The following CHERP variants were observed in gnomAD, a reference collection of about 807,000 sequenced individuals.
The protein encoded by CHERP is ERPROT 213-21.
In CHERP, 8 loss-of-function variants were observed where a neutral mutation model predicts 113.8. The ratio of observed to expected loss-of-function variants is 0.07; its 90% CI spans 0.04 to 0.13. The LOEUF (loss-of-function observed/expected upper bound fraction) is 0.13, where lower values mean the gene tolerates loss of function less well. CHERP is among the 10% of genes least tolerant of loss of function. The pLI is 1.00. For missense variants in CHERP, 884 were observed against 1,298.2 expected, an observed-to-expected ratio of 0.68 and a Z score of 4.90; for synonymous variants, 559 against 524.5, an observed-to-expected ratio of 1.07 and a Z score of -0.90.
chr19:16,535,667 AG>A lies in CHERP; in HGVS notation c.200-32del. 3 of 1,472,932 alleles carry A rather than the reference AG, an allele frequency of 2.0e-6. No homozygotes were observed. The South Asian group carries it at 4.1e-5, about 20-fold the overall frequency. 91.2% of individuals were successfully genotyped at this position (1,472,932 alleles called of 1,614,324 possible). On this transcript the variant is annotated intron_variant, in intron 2 of 16. Coordinates refer to ENST00000546361, the MANE Select transcript of CHERP (RefSeq NM_006387.6). This position sits in a 1 kb window ranked among gnomAD's most constrained non-coding sequence, Gnocchi z 4.3. ...GGGAGAGGAGGAGGGGTGCCCCATG[AG>A]AATGCAGATGGGGGTCTAGGTGTCC... is the stretch of plus-strand genomic sequence containing the variant.
chr19:16,538,013 T>A (rs1253757049), intron 2 of CHERP, among the ~76,000 whole-genome samples: 2 of 152,218 alleles, frequency 1.3e-5, no homozygotes, highest in Non-Finnish European at 2.9e-5. Flanking sequence ...TCTACAACAG[T>A]TGAGGCCCAG....
At chr19:16,541,746 G>C (rs1171791189) in intron 2 of CHERP, 124 bp downstream of exon 2, 4 of 1,012,316 alleles carry the variant, frequency 4.0e-6, no homozygotes, top group Non-Finnish European at 4.4e-6. Context: ...GGGATCGTGT[G>C]GACCGAGCTG....
In CHERP at chr19:16,532,556, C is replaced by T. The variant is rs375998341; in HGVS notation, c.674+42G>A. On this transcript the variant is annotated intron_variant, in intron 5 of 16. Coordinates refer to ENST00000546361, the MANE Select transcript of CHERP (RefSeq NM_006387.6). This position sits in a 1 kb window ranked among gnomAD's most constrained non-coding sequence, Gnocchi z 4.4. Reference sequence around the variant, plus strand: ...GCCACCCAGGAGGGTTGAGGAGGAGCGCGAGGAAGTGGCGCTCTGGGCACG... The same window carrying T: ...GCCACCCAGGAGGGTTGAGGAGGAGTGCGAGGAAGTGGCGCTCTGGGCACG... The T allele has an allele frequency of 2.6e-5, 40 of 1,536,920 alleles. No homozygotes were observed. The highest frequency in any genetic ancestry group is 4.1e-5 in the African/African-American group (3 of 73,722).
chr19:16,529,521 G>C, intron 8 of CHERP, 127 bp downstream of exon 8: 1 of 1,201,184 alleles, frequency 8.3e-7, no homozygotes, highest in Non-Finnish European at 1.1e-6. Context: ...CCTGGGCCTA[G>C]GAGCAGGCCT....
chr19:16,527,946 G>T, intron 9 of CHERP, 134 bp downstream of exon 9: 1 of 904,658 alleles, frequency 1.1e-6, no homozygotes, highest in Non-Finnish European at 1.7e-6. Context: ...CACTAACCCA[G>T]CATAAGCTCT....
At chr19:16,527,828 GA>G (rs2029884854) in intron 9 of CHERP, among the ~76,000 whole-genome samples, 1 of 152,196 alleles carries the variant, frequency 6.6e-6, no homozygotes, top group South Asian at 2.1e-4. Flanking sequence ...GCACTCGCAG[GA>G]CAATGGTGAT....
At chr19:16,529,104 C>T (rs953594485) in intron 8 of CHERP, among the ~76,000 whole-genome samples, 1 of 152,186 alleles carries the variant, frequency 6.6e-6, no homozygotes, top group African/African-American at 2.4e-5. Flanking sequence ...GTAAATGCAG[C>T]TCACTGCAGC....
rs141022450 is a variant in CHERP, at chr19:16,537,186, C to T, written c.200-1550G>A. On this transcript the variant is annotated intron_variant, in intron 2 of 16. Coordinates refer to ENST00000546361, the MANE Select transcript of CHERP (RefSeq NM_006387.6). ...GCCACTCCCCGCACCCCCCTCCTTC[C>T]CCCAGGCAGCTGAGGACACCCTCAC... is the stretch of plus-strand genomic sequence containing the variant. Among the ~76,000 whole-genome samples, 713 of 151,396 alleles carry T rather than the reference C, an allele frequency of 4.7e-3. 3 individuals carry two copies. Among genetic ancestry groups the T allele is most frequent in the African/African-American group, 0.015 (622 of 41,228 alleles).
Position 16,530,546 on chromosome 19 carries a change from C to T in CHERP, c.876+39G>A. The T allele has an allele frequency of 1.9e-6, 3 of 1,598,138 alleles. No individual in the cohort carries two copies. The highest frequency in any genetic ancestry group is 2.6e-6 in the Non-Finnish European group (3 of 1,165,908). The stretch of plus-strand genomic sequence containing the variant: ...CCAAACCCTCCTGGGGAACCCGCCC[C>T]AGCTCTAGGGTGAGGTGTGGGTGGG... On this transcript the variant is annotated intron_variant, in intron 7 of 16. Transcript: ENST00000546361. This position sits in a 1 kb window ranked among gnomAD's most constrained non-coding sequence, Gnocchi z 4.1.
chr19:16,523,754 GCCA>G lies in CHERP; in HGVS notation c.1742-467_1742-465del. Among the ~76,000 whole-genome samples, 1 of 151,984 alleles carries G rather than the reference GCCA, an allele frequency of 6.6e-6. No individual in the cohort carries two copies. Among genetic ancestry groups the G allele is most frequent in the East Asian group, 1.9e-4 (1 of 5,162 alleles). ...GTAGAGAGAAGACGGTCACCTATGA[GCCA>G]AGGAGACAGGCCTCCAAGACACTAA... On this transcript the variant is annotated intron_variant, in intron 10 of 16. Transcript: ENST00000546361. This position sits in a 1 kb window ranked among gnomAD's most constrained non-coding sequence, Gnocchi z 4.0.
chr19:16,535,057 C>A lies in CHERP; in HGVS notation c.384+395G>T, dbSNP rs1283303468. 6.6e-6 allele frequency among the ~76,000 whole-genome samples: 1 copy of A among 150,964 alleles called. No homozygotes were observed. Among genetic ancestry groups the A allele is most frequent in the East Asian group, 2.0e-4 (1 of 5,124 alleles). ...CGCCTCTGCACTCCAGCCTGGGCGACAGAACAAGACTTAAAAAAAAAAAAG... is the reference window on the plus strand; with the variant it reads ...CGCCTCTGCACTCCAGCCTGGGCGAAAGAACAAGACTTAAAAAAAAAAAAG... On this transcript the variant is annotated intron_variant, in intron 3 of 16. Coordinates refer to ENST00000546361, the MANE Select transcript of CHERP (RefSeq NM_006387.6). This position sits in a 1 kb window ranked among gnomAD's most constrained non-coding sequence, Gnocchi z 4.3.
rs768527993 is a variant in CHERP, at chr19:16,519,351, G to T, written c.2559C>A (p.Gly853=). Residue 853 remains glycine, a splice_region_variant and synonymous_variant, in exon 17 of 17, where the codon GGC becomes GGA. Transcript: ENST00000546361. This position sits in a 1 kb window ranked among gnomAD's most constrained non-coding sequence, Gnocchi z 6.0. ...NKGHQMLVKM[G]WSGSGGLGAK... is the part of the protein sequence containing the mutation. ...CACCGAGGCCGCCTGAGCCGCTCCA[G>T]CCTGGAAACAGAGACGCAGTCACAA... is the stretch of plus-strand genomic sequence containing the variant. 6.2e-7 allele frequency: 1 copy of T among 1,609,962 alleles called. No individual in the cohort carries two copies. The highest frequency in any genetic ancestry group is 1.1e-5 in the South Asian group (1 of 90,822).
intron 9 of CHERP, among the ~76,000 whole-genome samples, chr19:16,527,663 G>A (rs1038523538): frequency 2.0e-5 from 3 of 152,208 alleles, no homozygotes; most frequent in Non-Finnish European, 4.4e-5. Context: ...CCTCCCAGGG[G>A]CAACACGGCT....
At chr19:16,522,272 T>C (rs1341297930) in intron 11 of CHERP, among the ~76,000 whole-genome samples, 1 of 152,038 alleles carries the variant, frequency 6.6e-6, no homozygotes, top group African/African-American at 2.4e-5. Flanking sequence ...CCCCCCTTTT[T>C]TTTTTTGAGA....
At chr19:16,537,786 G>C (rs961452002) in intron 2 of CHERP, among the ~76,000 whole-genome samples, 1 of 152,162 alleles carries the variant, frequency 6.6e-6, no homozygotes, top group African/African-American at 2.4e-5. Context: ...GGCAGTCATG[G>C]TATTGCCACT....
chr19:16,529,041 T>C (rs1273313419), intron 8 of CHERP, among the ~76,000 whole-genome samples: 1 of 152,206 alleles, frequency 6.6e-6, no homozygotes, highest in African/African-American at 2.4e-5. Context: ...GACACTAGAT[T>C]GTATTTTCTG....
In CHERP at chr19:16,529,636, G is replaced by A. The variant is rs934657824; in HGVS notation, c.1129+12C>T. On this transcript the variant is annotated intron_variant, in intron 8 of 16. Coordinates refer to ENST00000546361, the MANE Select transcript of CHERP (RefSeq NM_006387.6). The stretch of plus-strand genomic sequence containing the variant: ...TTTCCTGGGGGCAGGCTGAGCTGAG[G>A]GAGCCCCGTACCAGGCTGGGTGGTG... 1.3e-6 allele frequency: 2 copies of A among 1,536,390 alleles called. No individual in the cohort carries two copies. Among genetic ancestry groups the A allele is most frequent in the African/African-American group, 2.7e-5 (2 of 72,994 alleles).
In CHERP at chr19:16,518,914, G is replaced by A. The variant is rs774219433; in HGVS notation, c.*245C>T. ...TTTTTGCTTCGCTATAAAGGAAAACGAGCCTGGGGCCCTGGTGGCTGCAGC... is the reference window on the plus strand; with the variant it reads ...TTTTTGCTTCGCTATAAAGGAAAACAAGCCTGGGGCCCTGGTGGCTGCAGC... On this transcript the variant is annotated 3_prime_UTR_variant, in exon 17 of 17. Coordinates refer to ENST00000546361, the MANE Select transcript of CHERP (RefSeq NM_006387.6). 91 of 547,490 alleles carry A rather than the reference G, an allele frequency of 1.7e-4. No homozygotes were observed. The highest frequency in any genetic ancestry group is 2.6e-4 in the Non-Finnish European group (80 of 313,194). The allele number at this position is 547,490 out of a possible 1,614,324, so 33.9% of individuals were successfully genotyped here.
rs2085692857 is a variant in CHERP, at chr19:16,530,446, C to A, written c.876+139G>T. On this transcript the variant is annotated intron_variant, in intron 7 of 16. Coordinates refer to ENST00000546361, the MANE Select transcript of CHERP (RefSeq NM_006387.6). This position sits in a 1 kb window ranked among gnomAD's most constrained non-coding sequence, Gnocchi z 4.1. ...CACCTGGGACTCTCTGGTCAACACACACTGGCTACTCCTAGCACAGGCAGG... is the reference window on the plus strand; with the variant it reads ...CACCTGGGACTCTCTGGTCAACACAAACTGGCTACTCCTAGCACAGGCAGG... 2 of 765,152 alleles carry A rather than the reference C, an allele frequency of 2.6e-6. No homozygotes were observed. Among genetic ancestry groups the A allele is most frequent in the South Asian group, 1.6e-5 (1 of 64,500 alleles). The allele number at this position is 765,152 out of a possible 1,614,324, so 47.4% of individuals were successfully genotyped here.
Sources: allele counts gnomAD v4.1 joint callset (sites outside exome capture counted in the v4.1 genomes callset), GRCh38; gene constraint gnomAD v4.1.1; non-coding constraint Gnocchi (gnomAD v3.1); transcripts MANE v1.5; gene names NCBI Gene and HGNC (gene_info 2026-07-23, HGNC 2026-07-21).